FAM210A: variants seen among roughly 807,000 people sequenced by gnomAD.
FAM210A encodes family with sequence similarity 210 member A.
FAM210A carries 13 observed loss-of-function variants against 25.3 expected under a neutral mutation model. The ratio of observed to expected loss-of-function variants is 0.51; its 90% CI spans 0.33 to 0.82. The LOEUF is 0.82. FAM210A is among the 40% of genes least tolerant of loss of function. FAM210A has a pLI of 0.02. For missense variants in FAM210A, 319 were observed against 323.2 expected (o/e 0.99, Z 0.10); for synonymous variants, 125 against 118.7 (o/e 1.05, Z -0.35).
chr18:13,703,183 T>A (rs2043754184), intron 1 of FAM210A, among the ~76,000 whole-genome samples: 1 of 152,234 alleles, frequency 6.6e-6, no homozygotes, highest in Non-Finnish European at 1.5e-5. Flanking sequence ...TTTGGGGGTA[T>A]CAGCAATTAC....
At chr18:13,725,823 G>C (rs970109544) in intron 1 of FAM210A, among the ~76,000 whole-genome samples, 7 of 152,140 alleles carry the variant, frequency 4.6e-5, no homozygotes. Context: ...AGCCAACGCA[G>C]ACTAATGCAT....
At chr18:13,678,899 A>C (rs1200725631) in intron 2 of FAM210A, among the ~76,000 whole-genome samples, 1 of 152,214 alleles carries the variant, frequency 6.6e-6, no homozygotes, top group Non-Finnish European at 1.5e-5. Flanking sequence ...TGAGGTCTCA[A>C]ACACAAGGCA....
chr18:13,708,507 C>T (rs1221797488), intron 1 of FAM210A, among the ~76,000 whole-genome samples: 1 of 152,162 alleles, frequency 6.6e-6, no homozygotes, highest in Non-Finnish European at 1.5e-5. Context: ...CTACAGAAGC[C>T]CTACCCTAAG....
At chr18:13,682,592 G>C (rs1358773811) in intron 1 of FAM210A, among the ~76,000 whole-genome samples, 1 of 152,124 alleles carries the variant, frequency 6.6e-6, no homozygotes, top group African/African-American at 2.4e-5. Context: ...AAATAAGCCA[G>C]GTGAGGTGGC....
intron 1 of FAM210A, among the ~76,000 whole-genome samples, chr18:13,688,731 T>C (rs528300844): frequency 6.6e-6 from 1 of 152,354 alleles, no homozygotes; most frequent in South Asian, 2.1e-4. Flanking sequence ...CTGCTGTCTG[T>C]AGATGGCGGA....
chr18:13,726,206 G>A (rs895924794), intron 1 of FAM210A, 123 bp downstream of exon 1: 1 of 152,392 alleles, frequency 6.6e-6, no homozygotes, highest in Admixed American at 6.5e-5. Context: ...ACAGCCCGAA[G>A]AGCGGCGCAC....
chr18:13,670,146 A>C (rs902783336), intron 3 of FAM210A, among the ~76,000 whole-genome samples: 4 of 152,210 alleles, frequency 2.6e-5, no homozygotes, highest in African/African-American at 9.7e-5. Flanking sequence ...ACAAGAAAGA[A>C]GACATGATTC....
chr18:13,713,085 T>C (rs1041573732), intron 1 of FAM210A, among the ~76,000 whole-genome samples: 11 of 152,320 alleles, frequency 7.2e-5, no homozygotes, highest in South Asian at 4.1e-4. Context: ...GATACTCTTA[T>C]CTCTACTTAC....
At chr18:13,680,781 G>A (rs1199844720) in intron 2 of FAM210A, among the ~76,000 whole-genome samples, 1 of 152,234 alleles carries the variant, frequency 6.6e-6, no homozygotes, top group African/African-American at 2.4e-5. Context: ...CCCGGACACT[G>A]AGGAATGGGC....
Position 13,666,725 on chromosome 18 carries a change from A to G in FAM210A, c.586-12T>C, listed in dbSNP as rs2043404568. The G allele has an allele frequency of 6.2e-7, 1 of 1,603,644 alleles. No individual in the cohort carries two copies. Among genetic ancestry groups the G allele is most frequent in the Non-Finnish European group, 8.5e-7 (1 of 1,173,118 alleles). On this transcript the variant is annotated splice_polypyrimidine_tract_variant and intron_variant, in intron 3 of 3. Coordinates refer to ENST00000651643, the MANE Select transcript of FAM210A (RefSeq NM_152352.4). ...GCAGGTGTTGCAATCTTAAGCAAAA[A>G]GCAAACAGAGGCAAATCAAAACCTG...
At chr18:13,666,928 C>T (rs1319593920) in intron 3 of FAM210A, among the ~76,000 whole-genome samples, 1 of 152,218 alleles carries the variant, frequency 6.6e-6, no homozygotes, top group Non-Finnish European at 1.5e-5. Context: ...GTCCTCTACA[C>T]AATCCTGACC....
intron 1 of FAM210A, among the ~76,000 whole-genome samples, chr18:13,699,563 T>A (rs745397984): frequency 3.9e-5 from 6 of 152,210 alleles, no homozygotes; most frequent in Non-Finnish European, 7.3e-5. Flanking sequence ...TCAGAGGATC[T>A]AAGCCATGGT....
At chr18:13,704,860 T>C (rs1313119697) in intron 1 of FAM210A, among the ~76,000 whole-genome samples, 1 of 152,232 alleles carries the variant, frequency 6.6e-6, no homozygotes, top group African/African-American at 2.4e-5. Context: ...TTGTCATCTG[T>C]GTCTTTAACT....
chr18:13,711,105 C>G (rs2043817914), intron 1 of FAM210A, among the ~76,000 whole-genome samples: 1 of 152,250 alleles, frequency 6.6e-6, no homozygotes, highest in Admixed American at 6.5e-5. Context: ...GGCACGGAGG[C>G]TCACGCCTGT....
Position 13,669,027 on chromosome 18 carries a change from G to A in FAM210A, c.586-2314C>T, listed in dbSNP as rs115288567. Among the ~76,000 whole-genome samples, 1,244 of 152,184 alleles carry A rather than the reference G, an allele frequency of 8.2e-3. 22 individuals carry two copies. Among genetic ancestry groups the A allele is most frequent in the African/African-American group, 0.029 (1,199 of 41,516 alleles). ...GGCAATTCTATTCTTCCAGTTGTCC[G>A]GGCCAAAAACTTACAAGAAAGCTTC... is the stretch of plus-strand genomic sequence containing the variant. On this transcript the variant is annotated intron_variant, in intron 3 of 3. Coordinates refer to ENST00000651643, the MANE Select transcript of FAM210A (RefSeq NM_152352.4).
At chr18:13,724,842 C>CGCGA (rs1401784697) in intron 1 of FAM210A, among the ~76,000 whole-genome samples, 1 of 152,208 alleles carries the variant, frequency 6.6e-6, no homozygotes, top group East Asian at 1.9e-4. Context: ...GGCGCAATCT[C>CGCGA]GGCTCACTGC....
intron 2 of FAM210A, among the ~76,000 whole-genome samples, chr18:13,677,229 C>T (rs1256014624): frequency 6.6e-6 from 1 of 152,158 alleles, no homozygotes; most frequent in African/African-American, 2.4e-5. Flanking sequence ...TGCCCGCCAC[C>T]ACGCCCGGCT....
At chr18:13,708,020 A>G (rs548476398) in intron 1 of FAM210A, among the ~76,000 whole-genome samples, 218 of 152,116 alleles carry the variant, frequency 1.4e-3, no homozygotes, top group African/African-American at 4.9e-3. Flanking sequence ...ACTCCTTTAC[A>G]TTTAATTCAG....
At chr18:13,700,332 G>A (rs2043728983) in intron 1 of FAM210A, among the ~76,000 whole-genome samples, 1 of 152,224 alleles carries the variant, frequency 6.6e-6, no homozygotes, top group South Asian at 2.1e-4. Context: ...ATGCACTGGT[G>A]CACTCTGGCC....
Sources: gnomAD v4.1 joint callset for allele counts (sites outside exome capture counted in the v4.1 genomes callset) on GRCh38, gnomAD v4.1.1 for gene constraint, MANE v1.5 for transcripts, NCBI Gene and HGNC (gene_info 2026-07-23, HGNC 2026-07-21) for gene names.